The following ABCA13 variants were observed in gnomAD, a reference collection of about 807,000 sequenced individuals.
ABCA13 encodes the protein ATP-binding cassette sub-family A member 13.
In ABCA13, 476 loss-of-function variants were observed where a neutral mutation model predicts 478.7. The ratio of observed to expected loss-of-function variants is 0.99; its 90% CI spans 0.92 to 1.07. The LOEUF is 1.07. ABCA13 is among the 50% of genes least tolerant of loss of function. The probability of loss-of-function intolerance (pLI) is 0.00; values close to 1 mark genes in which losing one functional copy is unlikely to be tolerated. For missense variants in ABCA13, 6,060 were observed against 5,910.6 expected (o/e 1.03, Z -0.83); for synonymous variants, 2,252 against 2,158.9 (o/e 1.04, Z -1.20).
chr7:48,612,612 AACAC>A (rs1425793362), intron 58 of ABCA13, among the ~76,000 whole-genome samples: 1 of 152,162 alleles, frequency 6.6e-6, no homozygotes, highest in East Asian at 1.9e-4. Context: ...TTTAATAGCT[AACAC>A]ATGGATGAAC....
chr7:48,302,507 C>G (rs1167386395), intron 23 of ABCA13, among the ~76,000 whole-genome samples: 17 of 152,118 alleles, frequency 1.1e-4, no homozygotes, highest in Non-Finnish European at 2.9e-5. Context: ...AACCTCCACC[C>G]TCAAATAGGC....
intron 47 of ABCA13, among the ~76,000 whole-genome samples, chr7:48,484,512 G>A (rs1829096079): frequency 6.6e-6 from 1 of 152,108 alleles, no homozygotes; most frequent in Non-Finnish European, 1.5e-5. Context: ...CAAATATTCC[G>A]ACTTTTTAGT....
chr7:48,198,347 G>C lies in ABCA13; in HGVS notation c.274G>C (p.Glu92Gln). Reference sequence around the variant, plus strand: ...GAACTTCAGCTATGAAGGGTCAATGGAGCATCATTTTCGGTAAGAGAAACA... The same window carrying C: ...GAACTTCAGCTATGAAGGGTCAATGCAGCATCATTTTCGGTAAGAGAAACA... ...CRNFSYEGSM[E>Q]HHFRLSRFQT... Residue 92 changes from glutamate (E) to glutamine (Q), a missense_variant, in exon 3 of 62, where the codon GAG (glutamate) becomes CAG (glutamine). By Grantham distance (29) the Glu-to-Gln change is conservative. Coordinates refer to ENST00000435803, the MANE Select transcript of ABCA13 (RefSeq NM_152701.5). The C allele has an allele frequency of 6.2e-7, 1 of 1,613,638 alleles. No individual in the cohort carries two copies. Among genetic ancestry groups the C allele is most frequent in the Non-Finnish European group, 8.5e-7 (1 of 1,179,784 alleles).
At chr7:48,259,760 A>G (rs1260801888) in intron 15 of ABCA13, among the ~76,000 whole-genome samples, 3 of 151,188 alleles carry the variant, frequency 2.0e-5, no homozygotes, top group Non-Finnish European at 4.4e-5. Flanking sequence ...TTTCATTTCC[A>G]TATTTAGCAC....
chr7:48,377,290 G>A (rs1315100704), intron 35 of ABCA13, among the ~76,000 whole-genome samples: 2 of 151,806 alleles, frequency 1.3e-5, no homozygotes, highest in Non-Finnish European at 2.9e-5. Context: ...GTTCAGGCCC[G>A]AAAGAGCAGA....
At chr7:48,285,234 G>A (rs1354563902) in intron 19 of ABCA13, among the ~76,000 whole-genome samples, 2 of 152,298 alleles carry the variant, frequency 1.3e-5, no homozygotes, top group Admixed American at 6.5e-5. Context: ...GGGGCTGAAG[G>A]GAGGAGAGGA....
At chr7:48,223,130 A>T (rs988243233) in intron 5 of ABCA13, among the ~76,000 whole-genome samples, 9 of 152,138 alleles carry the variant, frequency 5.9e-5, no homozygotes, top group African/African-American at 1.9e-4. Flanking sequence ...GTAATTGGAA[A>T]AATGGAGTGG....
intron 41 of ABCA13, among the ~76,000 whole-genome samples, chr7:48,427,175 C>T (rs1821541796): frequency 6.6e-6 from 1 of 152,166 alleles, no homozygotes; most frequent in Non-Finnish European, 1.5e-5. Flanking sequence ...GCTTTCTCAC[C>T]TTATTTTTGC....
chr7:48,392,348 T>C (rs185992746), intron 38 of ABCA13, among the ~76,000 whole-genome samples: 1 of 152,274 alleles, frequency 6.6e-6, no homozygotes, highest in East Asian at 1.9e-4. Flanking sequence ...TTGAATTTGA[T>C]TTGATTTGTC....
Position 48,276,508 on chromosome 7 carries a change from A to G in ABCA13, c.6842A>G (p.Glu2281Gly). 3 of 1,610,742 alleles carry G rather than the reference A, an allele frequency of 1.9e-6. No individual in the cohort carries two copies. Among genetic ancestry groups the G allele is most frequent in the Non-Finnish European group, 2.5e-6 (3 of 1,179,126 alleles). ...TCCCTTTTTCTAAAGGAAGATTCTG[A>G]GAACAAAATATCTCTTCTGCTGAAA... is the stretch of plus-strand genomic sequence containing the variant. ...FFSLFLKEDS[E>G]NKISLLLKYF... Residue 2281 changes from glutamate to glycine, a missense_variant, in exon 17 of 62, where the codon GAG becomes GGG. Transcript: ENST00000435803.
Position 48,274,766 on chromosome 7 carries a change from A to AAC in ABCA13, c.5101_5102dup (p.Gly1702LeufsTer4). 1 of 1,613,972 alleles carries AAC rather than the reference A, an allele frequency of 6.2e-7. No homozygotes were observed. The highest frequency in any genetic ancestry group is 2.2e-5 in the East Asian group (1 of 44,882). On this transcript the variant is annotated frameshift_variant, in exon 17 of 62. Transcript: ENST00000435803. LOFTEE classifies it high-confidence loss of function. Reference sequence around the variant, plus strand: ...TCTTTAAGAATATCAGTAGTGTGGGAACTGGCAATTTAGTGGTCAATTTGC... The same window carrying AAC: ...TCTTTAAGAATATCAGTAGTGTGGGAACACTGGCAATTTAGTGGTCAATTTGC...
chr7:48,437,250 T>C (rs981986416), intron 42 of ABCA13, among the ~76,000 whole-genome samples: 8 of 152,030 alleles, frequency 5.3e-5, no homozygotes, highest in African/African-American at 1.9e-4. Context: ...GAATTGACTC[T>C]TTTTTTAAAG....
intron 59 of ABCA13, among the ~76,000 whole-genome samples, chr7:48,624,604 C>T (rs756436378): frequency 1.5e-4 from 23 of 150,702 alleles, no homozygotes; most frequent in Admixed American, 5.3e-4. Flanking sequence ...GGCTGGTGTG[C>T]GAGTGCAATG....
At chr7:48,468,294 C>G (rs1343375447) in intron 44 of ABCA13, among the ~76,000 whole-genome samples, 1 of 152,214 alleles carries the variant, frequency 6.6e-6, no homozygotes, top group Non-Finnish European at 1.5e-5. Context: ...CCTCTCCTCT[C>G]TCTGTTCCAT....
In ABCA13 at chr7:48,276,627, T is replaced by A. The variant is rs1796341933; in HGVS notation, c.6899+62T>A. On this transcript the variant is annotated intron_variant, in intron 17 of 61. Coordinates refer to ENST00000435803, the MANE Select transcript of ABCA13 (RefSeq NM_152701.5). ...GCGATATATCTCAAACTACTTTATT[T>A]TCTGGAGTATAGACATGTCAAAAAC... 9 of 1,365,162 alleles carry A rather than the reference T, an allele frequency of 6.6e-6. No individual in the cohort carries two copies. The East Asian group carries it at 2.1e-4, about 32-fold the overall frequency. 84.6% of individuals were successfully genotyped at this position (1,365,162 alleles called of 1,614,324 possible). A position where few individuals can be genotyped will look rare whatever the true frequency, so the allele number is the denominator to read the frequency against.
chr7:48,544,868 A>G (rs1609214), intron 55 of ABCA13, among the ~76,000 whole-genome samples: 21,258 of 151,698 alleles, frequency 0.14, 2,056 homozygotes, highest in African/African-American at 0.23. Context: ...TGAGCCCTCA[A>G]CTTGTGGGAT....
intron 1 of ABCA13, among the ~76,000 whole-genome samples, chr7:48,176,459 A>T (rs1271267670): frequency 6.6e-6 from 1 of 152,122 alleles, no homozygotes; most frequent in Admixed American, 6.5e-5. Context: ...ACATCCCAGA[A>T]CCCAGCGACA....
intron 38 of ABCA13, among the ~76,000 whole-genome samples, chr7:48,398,745 G>A (rs922267129): frequency 1.3e-5 from 2 of 152,114 alleles, no homozygotes; most frequent in African/African-American, 4.8e-5. Flanking sequence ...TCAGGTTGGA[G>A]GTACATTTGT....
At chr7:48,620,629 A>G (rs1793044582) in intron 59 of ABCA13, among the ~76,000 whole-genome samples, 1 of 152,170 alleles carries the variant, frequency 6.6e-6, no homozygotes, top group Non-Finnish European at 1.5e-5. Context: ...ACTTTGTTCT[A>G]TGTCCCCAGA....
Sources: gnomAD v4.1 joint callset for allele counts (sites outside exome capture counted in the v4.1 genomes callset) on GRCh38, gnomAD v4.1.1 for gene constraint, MANE v1.5 for transcripts, NCBI Gene and HGNC (gene_info 2026-07-23, HGNC 2026-07-21) for gene names.